Variants in NAA25 observed in about 807,000 individuals in gnomAD.
The protein encoded by NAA25 is N-terminal acetyltransferase B complex subunit NAA25.
In NAA25, 30 loss-of-function variants were observed where a neutral mutation model predicts 132.5. That is an observed-to-expected ratio of 0.23 (90% CI 0.17 to 0.31). The LOEUF (loss-of-function observed/expected upper bound fraction) is 0.31. NAA25 is among the 10% of genes least tolerant of loss of function. The probability of loss-of-function intolerance (pLI) is 1.00; values close to 1 mark genes in which losing one functional copy is unlikely to be tolerated. For synonymous variants in NAA25, 359 were observed against 401.9 expected, an observed-to-expected ratio of 0.89 and a Z score of 1.28; for missense variants, 771 against 1,150.4, an observed-to-expected ratio of 0.67 and a Z score of 4.77.
intron 11 of NAA25, chr12:112,065,865 G>T (rs1387151413): frequency 6.6e-6 from 1 of 152,132 alleles, no homozygotes; most frequent in Non-Finnish European, 1.5e-5. Flanking sequence ...GATTGACTTG[G>T]ACAGTTCGTA....
chr12:112,100,197 C>A (rs2079272542), intron 1 of NAA25, among the ~76,000 whole-genome samples: 1 of 152,186 alleles, frequency 6.6e-6, no homozygotes, highest in Admixed American at 6.6e-5. Flanking sequence ...GAGTCTTGCT[C>A]TGTCACCAGG....
At chr12:112,076,184 A>G (rs574587409) in intron 7 of NAA25, among the ~76,000 whole-genome samples, 1 of 152,204 alleles carries the variant, frequency 6.6e-6, no homozygotes, top group South Asian at 2.1e-4. Context: ...GGCCCGGCCT[A>G]AATGTCACAT....
intron 8 of NAA25, 96 bp from the exon 9 acceptor site, chr12:112,074,860 T>A: frequency 1.2e-6 from 1 of 859,920 alleles, no homozygotes; most frequent in Non-Finnish European, 1.8e-6. Context: ...GTAAGTTATA[T>A]TTTAGTATGT....
Position 112,074,731 on chromosome 12 carries a change from G to A in NAA25, c.810C>T (p.Phe270=), listed in dbSNP as rs775699946. The change falls in exon 9 of 24, where the codon TTC becomes TTT. Residue 270 remains phenylalanine (F), a synonymous_variant. Transcript: ENST00000261745. Reference sequence around the variant, plus strand: ...CTTCAATCAGTCGAAAGACAGAATCGAAATAAGTCAGATAGAACTGCCAGT... The same window carrying A: ...CTTCAATCAGTCGAAAGACAGAATCAAAATAAGTCAGATAGAACTGCCAGT... The part of the protein sequence containing the change: ...SDDWQFYLTY[F]DSVFRLIEEA... The A allele has an allele frequency of 2.5e-6, 4 of 1,611,824 alleles. No homozygotes were observed. The highest frequency in any genetic ancestry group is 1.7e-5 in the Admixed American group (1 of 59,742).
chr12:112,107,507 T>C (rs1025739251), intron 1 of NAA25, among the ~76,000 whole-genome samples: 1 of 151,566 alleles, frequency 6.6e-6, no homozygotes, highest in African/African-American at 2.4e-5. Context: ...GTGACTGTCA[T>C]AATGAGTCAT....
chr12:112,102,604 G>T (rs1412428716), intron 1 of NAA25, among the ~76,000 whole-genome samples: 1 of 152,164 alleles, frequency 6.6e-6, no homozygotes, highest in African/African-American at 2.4e-5. Context: ...ATCTTGCTCT[G>T]TTGCCCAGGC....
At position 112,049,276 on chromosome 12, in the gene NAA25, T is replaced by C. The variant is rs1305997916; in HGVS notation, c.1729-833A>G. On this transcript the variant is annotated intron_variant, in intron 15 of 23. Coordinates refer to ENST00000261745, the MANE Select transcript of NAA25 (RefSeq NM_024953.4). The surrounding 1 kb of genome is among the most constrained non-coding windows in gnomAD (Gnocchi z 4.7). ...GGGAAGAACATTTCATGGGTGTGGG[T>C]CTATGCCATCAGGATCAGAAGACAG... is the stretch of plus-strand genomic sequence containing the variant. 8.5e-5 allele frequency among the ~76,000 whole-genome samples: 13 copies of C among 152,094 alleles called. No individual in the cohort carries two copies. The highest frequency in any genetic ancestry group is 8.5e-4 in the Admixed American group (13 of 15,262).
chr12:112,097,525 T>G (rs1345894028), intron 1 of NAA25: 2 of 147,956 alleles, frequency 1.4e-5, no homozygotes, highest in African/African-American at 5.0e-5. Flanking sequence ...GAGAATGGCG[T>G]GAACCCTGGA....
At chr12:112,071,209 G>A (rs768376478) in intron 10 of NAA25, among the ~76,000 whole-genome samples, 13 of 149,810 alleles carry the variant, frequency 8.7e-5, no homozygotes, top group Admixed American at 4.0e-4. Context: ...TAGCAGAAAC[G>A]GGGTTACGGC....
At chr12:112,068,177 C>G (rs1258482386) in intron 11 of NAA25, among the ~76,000 whole-genome samples, 3 of 152,234 alleles carry the variant, frequency 2.0e-5, no homozygotes, top group Admixed American at 2.0e-4. Flanking sequence ...TAGCTGGGGA[C>G]TACAGGCACG....
chr12:112,059,713 TTA>T (rs2078597286), intron 13 of NAA25, among the ~76,000 whole-genome samples: 1 of 152,218 alleles, frequency 6.6e-6, no homozygotes, highest in African/African-American at 2.4e-5. Flanking sequence ...TAGTATTTTT[TTA>T]TAGTCATTAC....
intron 15 of NAA25, among the ~76,000 whole-genome samples, chr12:112,053,216 G>A (rs550548317): frequency 2.8e-4 from 42 of 152,256 alleles, no homozygotes; most frequent in South Asian, 1.5e-3. Context: ...GATGTTACAC[G>A]GCATCCCAGG....
intron 4 of NAA25, 136 bp downstream of exon 4, chr12:112,087,543 CAACT>C (rs1593822398): frequency 1.6e-6 from 1 of 624,254 alleles, no homozygotes. Flanking sequence ...ATAAGGAAAA[CAACT>C]GACTGACCTC....
At chr12:112,062,875 C>G (rs1436617648) in intron 11 of NAA25, among the ~76,000 whole-genome samples, 1 of 151,942 alleles carries the variant, frequency 6.6e-6, no homozygotes, top group East Asian at 1.9e-4. Context: ...GACCTCATCT[C>G]TACTAAAAAA....
At chr12:112,050,699 T>C (rs1054741446) in intron 15 of NAA25, among the ~76,000 whole-genome samples, 4 of 152,048 alleles carry the variant, frequency 2.6e-5, no homozygotes, top group African/African-American at 9.7e-5. Flanking sequence ...TTGTATAAAA[T>C]AGAGATTTTA....
chr12:112,049,498 C>T lies in NAA25; in HGVS notation c.1729-1055G>A, dbSNP rs1432686701. On this transcript the variant is annotated intron_variant, in intron 15 of 23. Coordinates refer to ENST00000261745, the MANE Select transcript of NAA25 (RefSeq NM_024953.4). The surrounding 1 kb of genome is among the most constrained non-coding windows in gnomAD (Gnocchi z 4.7). Reference sequence around the variant, plus strand: ...AACAACATACCCTCTGATATACAGCCTTGCAGGGTTCATTTCAGGCCGCGG... The same window carrying T: ...AACAACATACCCTCTGATATACAGCTTTGCAGGGTTCATTTCAGGCCGCGG... 3.0e-6 allele frequency: 3 copies of T among 985,924 alleles called. No individual in the cohort carries two copies. Among genetic ancestry groups the T allele is most frequent in the Admixed American group, 6.1e-5 (1 of 16,290 alleles). The allele number at this position is 985,924 out of a possible 1,614,324, so 61.1% of individuals were successfully genotyped here.
At chr12:112,105,305 C>T (rs2136951467) in intron 1 of NAA25, among the ~76,000 whole-genome samples, 1 of 152,186 alleles carries the variant, frequency 6.6e-6, no homozygotes, top group Admixed American at 6.6e-5. Flanking sequence ...CAGATCCTGT[C>T]TCAAAAAAAT....
intron 11 of NAA25, among the ~76,000 whole-genome samples, chr12:112,063,113 A>C (rs967739381): frequency 5.9e-5 from 9 of 152,110 alleles, no homozygotes; most frequent in African/African-American, 1.9e-4. Context: ...GACAGCAAAT[A>C]AAAATCATGA....
At position 112,084,401 on chromosome 12, in the gene NAA25, C is replaced by T. The variant is rs547267377; in HGVS notation, c.403-3267G>A. On this transcript the variant is annotated intron_variant, in intron 4 of 23. Transcript: ENST00000261745. The stretch of plus-strand genomic sequence containing the variant: ...AACATGACATTAAATGTGTGAAATA[C>T]CTATTACCTCAGACTGACATTCCAC... 5.1e-4 allele frequency among the ~76,000 whole-genome samples: 77 copies of T among 152,280 alleles called. 1 individual carries two copies. The South Asian group carries it at 9.1e-3, about 18-fold the overall frequency.
Sources: gnomAD v4.1 joint callset for allele counts (sites outside exome capture counted in the v4.1 genomes callset) on GRCh38, gnomAD v4.1.1 for gene constraint, Gnocchi (gnomAD v3.1) non-coding constraint, MANE v1.5 for transcripts, NCBI Gene and HGNC (gene_info 2026-07-23, HGNC 2026-07-21) for gene names.